ORC5: variants seen among roughly 807,000 people sequenced by gnomAD.
ORC5 encodes origin recognition complex subunit 5.
ORC5 carries 39 observed loss-of-function variants against 58.8 expected under a neutral mutation model. The observed-to-expected ratio is 0.66, with a 90% CI of 0.51 to 0.87. The LOEUF (loss-of-function observed/expected upper bound fraction) is 0.87. ORC5 is among the 40% of genes least tolerant of loss of function. The pLI is 0.00. For missense variants in ORC5, 493 were observed against 506.3 expected (o/e 0.97, Z 0.25); for synonymous variants, 218 against 177.6 (o/e 1.23, Z -1.81).
At chr7:104,132,608 A>G (rs1798530033) in intron 13 of ORC5, among the ~76,000 whole-genome samples, 1 of 152,176 alleles carries the variant, frequency 6.6e-6, no homozygotes, top group Admixed American at 6.5e-5. Context: ...TTTTACTGCT[A>G]ATCACTATAG....
At chr7:104,158,739 A>C (rs1798971958) in intron 12 of ORC5, among the ~76,000 whole-genome samples, 1 of 151,856 alleles carries the variant, frequency 6.6e-6, no homozygotes, top group Admixed American at 6.6e-5. Flanking sequence ...GCTCATCATC[A>C]CTGGCCATCA....
At chr7:104,154,130 C>A (rs1009816648) in intron 12 of ORC5, among the ~76,000 whole-genome samples, 3 of 151,984 alleles carry the variant, frequency 2.0e-5, no homozygotes, top group African/African-American at 7.2e-5. Context: ...TAAGAAAAGC[C>A]ACTCAGACTG....
At chr7:104,196,227 A>G (rs1799799035) in intron 4 of ORC5, among the ~76,000 whole-genome samples, 2 of 152,204 alleles carry the variant, frequency 1.3e-5, no homozygotes, top group East Asian at 1.9e-4. Context: ...GGTGATCTAC[A>G]CTGAAAAGGC....
Position 104,207,969 on chromosome 7 carries a change from C to A in ORC5, c.-65G>T. ...ACAGGACCCTTGCACAAGACGGAGC[C>A]TCTCCCGAGTCTGGCGGCCCACGCT... On this transcript the variant is annotated 5_prime_UTR_variant, in exon 1 of 14. In the 5' UTR this introduces an upstream ATG that the reference lacks. Coordinates refer to ENST00000297431, the MANE Select transcript of ORC5 (RefSeq NM_002553.4). 1.4e-6 allele frequency: 2 copies of A among 1,464,912 alleles called. No homozygotes were observed. The highest frequency in any genetic ancestry group is 1.9e-6 in the Non-Finnish European group (2 of 1,050,544). 90.7% of individuals were successfully genotyped at this position (1,464,912 alleles called of 1,614,324 possible).
At chr7:104,163,116 TTG>T (rs1359273841) in intron 11 of ORC5, among the ~76,000 whole-genome samples, 1 of 152,200 alleles carries the variant, frequency 6.6e-6, no homozygotes, top group East Asian at 1.9e-4. Flanking sequence ...ACATTTCTCC[TTG>T]TGCACATGTG....
intron 8 of ORC5, among the ~76,000 whole-genome samples, chr7:104,177,563 TG>T (rs1331173075): frequency 3.3e-5 from 5 of 152,182 alleles, no homozygotes; most frequent in South Asian, 2.1e-4. Context: ...TGAGAATTAT[TG>T]TTTTTTTAAA....
chr7:104,152,544 A>T (rs1429197305), intron 12 of ORC5, among the ~76,000 whole-genome samples: 1 of 152,146 alleles, frequency 6.6e-6, no homozygotes, highest in Non-Finnish European at 1.5e-5. Flanking sequence ...CATTTAAACA[A>T]TCTAGTCATT....
rs545643982 is a variant in ORC5 at position 104,185,656 on chromosome 7, C to T, written c.685-1485G>A. 5.3e-5 allele frequency among the ~76,000 whole-genome samples: 8 copies of T among 152,234 alleles called. No individual in the cohort carries two copies. The South Asian group carries it at 1.7e-3, about 32-fold the overall frequency. On this transcript the variant is annotated intron_variant, in intron 6 of 13. Transcript: ENST00000297431. ...CTATGTTTAACGATCTCTCTAGAAA[C>T]TCTATGTATTCTAAAGTTTGAGGAG... is the stretch of plus-strand genomic sequence containing the variant.
chr7:104,163,981 T>C (rs987012234), intron 11 of ORC5, among the ~76,000 whole-genome samples: 2 of 152,232 alleles, frequency 1.3e-5, no homozygotes, highest in Non-Finnish European at 2.9e-5. Context: ...ATCTCACTGT[T>C]GTTTTAACTT....
rs1316779438 is a variant in ORC5 at position 104,151,122 on chromosome 7, G to A, written c.1149+9950C>T. On this transcript the variant is annotated intron_variant, in intron 12 of 13. Coordinates refer to ENST00000297431, the MANE Select transcript of ORC5 (RefSeq NM_002553.4). ...GGTATATATGGTGAATGAAGGAAGT[G>A]GTAGAAATTGGGGCCAGATTATGAA... 2.0e-5 allele frequency among the ~76,000 whole-genome samples: 3 copies of A among 152,074 alleles called. No homozygotes were observed. The East Asian group carries it at 5.8e-4, about 29-fold the overall frequency.
At chr7:104,142,545 T>C (rs1798689909) in intron 12 of ORC5, among the ~76,000 whole-genome samples, 1 of 152,046 alleles carries the variant, frequency 6.6e-6, no homozygotes, top group African/African-American at 2.4e-5. Flanking sequence ...GTATTAAAAG[T>C]AAATGAAATG....
chr7:104,163,761 G>T (rs1259236308), intron 11 of ORC5, among the ~76,000 whole-genome samples: 3 of 152,192 alleles, frequency 2.0e-5, no homozygotes, highest in Admixed American at 1.3e-4. Context: ...AAAGTGCTGG[G>T]ACTACAGGTG....
chr7:104,128,201 C>A (rs1798458507), intron 13 of ORC5, among the ~76,000 whole-genome samples: 1 of 152,196 alleles, frequency 6.6e-6, no homozygotes, highest in African/African-American at 2.4e-5. Flanking sequence ...CGGCTCACTG[C>A]AACCTCCACC....
At chr7:104,164,678 T>C (rs886501229) in intron 11 of ORC5, among the ~76,000 whole-genome samples, 1 of 152,222 alleles carries the variant, frequency 6.6e-6, no homozygotes, top group African/African-American at 2.4e-5. Context: ...ATAGTCTAAA[T>C]GCTTCTTTCA....
chr7:104,165,100 A>G (rs550575926), intron 11 of ORC5, 135 bp downstream of exon 11: 108 of 535,320 alleles, frequency 2.0e-4, no homozygotes, highest in African/African-American at 1.5e-3. Flanking sequence ...ACAAAATTCT[A>G]TTACAGTATA....
At chr7:104,198,401 G>C (rs531121717) in intron 3 of ORC5, among the ~76,000 whole-genome samples, 7 of 152,178 alleles carry the variant, frequency 4.6e-5, no homozygotes, top group Non-Finnish European at 1.0e-4. Context: ...ACTAATTGGG[G>C]ACAGGGAATA....
rs190635574 is a variant in ORC5 at position 104,127,310 on chromosome 7, T to C, written c.1263-417A>G. ...CCGAGACACCTGTTTTGTCATTACA[T>C]AATGCATAGCTCATCTGTCCTCATT... On this transcript the variant is annotated intron_variant, in intron 13 of 13. Coordinates refer to ENST00000297431, the MANE Select transcript of ORC5 (RefSeq NM_002553.4). Among the ~76,000 whole-genome samples, 48 of 152,366 alleles carry C rather than the reference T, an allele frequency of 3.2e-4. No individual in the cohort carries two copies. In the East Asian group the frequency reaches 8.7e-3, roughly 28 times the overall value.
At chr7:104,194,826 A>T (rs1416081236) in intron 5 of ORC5, among the ~76,000 whole-genome samples, 2 of 151,922 alleles carry the variant, frequency 1.3e-5, no homozygotes, top group African/African-American at 4.8e-5. Context: ...CATCCAAAAA[A>T]ATGTAGTAAT....
At chr7:104,179,437 G>A (rs1168416810) in intron 8 of ORC5, among the ~76,000 whole-genome samples, 1 of 151,986 alleles carries the variant, frequency 6.6e-6, no homozygotes, top group Admixed American at 6.6e-5. Context: ...GTAATTAGAA[G>A]GGAATTATTT....
Sources: allele counts gnomAD v4.1 joint callset (sites outside exome capture counted in the v4.1 genomes callset), GRCh38; gene constraint gnomAD v4.1.1; transcripts MANE v1.5; gene names NCBI Gene and HGNC (gene_info 2026-07-23, HGNC 2026-07-21).